IL2RG: variants seen among roughly 807,000 people sequenced by gnomAD.
The protein encoded by IL2RG is cytokine receptor common subunit gamma.
For missense variants in IL2RG, 205 were observed against 272.9 expected (o/e 0.75, Z 1.75); for synonymous variants, 111 against 108.5 (o/e 1.02, Z -0.15).
intron 3 of IL2RG, 60 bp downstream of exon 3, chrX:71,110,444 T>C (rs2092261001): frequency 2.5e-5 from 28 of 1,130,533 alleles, no homozygotes; most frequent in Non-Finnish European, 3.3e-5. Context: ...AGAACACTAC[T>C]CTGTAGACTC....
chrX:71,110,157 G>C lies in IL2RG; in HGVS notation c.593C>G (p.Thr198Ser), dbSNP rs1395196099. ...ACATTCACGTCCCTAGTCACTCACA[G>C]TCCAGCTGTGGTCCCAGTCAGTCCG... The part of the protein sequence containing the change: ...QYRTDWDHSW[T>S]EQSVDYRHKF... The change falls in exon 4 of 8, where the codon ACT becomes AGT. Residue 198 changes from threonine (T) to serine (S), a missense_variant and splice_region_variant. Coordinates refer to ENST00000374202, the MANE Select transcript of IL2RG (RefSeq NM_000206.3). 8.3e-7 allele frequency: 1 copy of C among 1,208,141 alleles called. No individual in the cohort carries two copies. Among genetic ancestry groups the C allele is most frequent in the Admixed American group, 2.2e-5 (1 of 45,573 alleles).
At chrX:71,110,031 G>A in intron 4 of IL2RG, 125 bp downstream of exon 4, 1 of 677,206 alleles carries the variant, frequency 1.5e-6, no homozygotes, top group Admixed American at 2.4e-5. Context: ...AGGGTAGGGG[G>A]TGAGCAGAGA....
chrX:71,107,466 T>G lies in IL2RG; in HGVS notation c.*270A>C. On this transcript the variant is annotated 3_prime_UTR_variant, in exon 8 of 8. Transcript: ENST00000374202. ...GGTTCAGGAACAATCGGAGGGTAGATGGAAAGAGGAAGGGAGGGAAAGAGG... is the reference window on the plus strand; with the variant it reads ...GGTTCAGGAACAATCGGAGGGTAGAGGGAAAGAGGAAGGGAGGGAAAGAGG... 2 of 272,513 alleles carry G rather than the reference T, an allele frequency of 7.3e-6. No individual in the cohort carries two copies. Among genetic ancestry groups the G allele is most frequent in the Non-Finnish European group, 1.3e-5 (2 of 154,075 alleles). The allele number at this position is 272,513 out of a possible 1,213,427, so 22.5% of individuals were successfully genotyped here. A position where few individuals can be genotyped will look rare whatever the true frequency, so the allele number is the denominator to read the frequency against.
intron 1 of IL2RG, 42 bp downstream of exon 1, chrX:71,111,383 G>A: frequency 8.3e-7 from 1 of 1,202,997 alleles, no homozygotes. Flanking sequence ...CCTTCCCACA[G>A]CCACCCTTCT....
At chrX:71,111,222 C>A (rs2092263140) in intron 1 of IL2RG, 172 bp from the exon 2 acceptor site, 1 of 689,154 alleles carries the variant, frequency 1.5e-6, no homozygotes, top group Non-Finnish European at 2.2e-6. Context: ...TGAGACCCTG[C>A]CTCAAAAGAA....
At chrX:71,109,481 G>A in intron 4 of IL2RG, 91 bp from the exon 5 acceptor site, 3 of 857,138 alleles carry the variant, frequency 3.5e-6, no homozygotes, top group Non-Finnish European at 5.0e-6. Flanking sequence ...TGTCATCTCT[G>A]CTACTGCCCA....
rs2147750887 is a variant in IL2RG, at chrX:71,110,917, G to A, written c.249C>T (p.Thr83=). 8.3e-7 allele frequency: 1 copy of A among 1,210,246 alleles called. No individual in the cohort carries two copies. Among genetic ancestry groups the A allele is most frequent in the African/African-American group, 1.7e-5 (1 of 57,557 alleles). ...CATACCAATAATGCAGAGTGAGGTT[G>A]GTAGGCTGGGGCTCAGAGCTGCTGT... The part of the protein sequence containing the change: ...TWNSSSEPQP[T]NLTLHYWYKN... Residue 83 remains threonine (T), a synonymous_variant, in exon 2 of 8, where the codon ACC becomes ACT. Coordinates refer to ENST00000374202, the MANE Select transcript of IL2RG (RefSeq NM_000206.3).
chrX:71,109,173 G>A, intron 5 of IL2RG, 55 bp downstream of exon 5: 1 of 1,138,208 alleles, frequency 8.8e-7, no homozygotes. Context: ...AGACAGTGGT[G>A]TTAGAAAGGC....
intron 7 of IL2RG, 122 bp from the exon 8 acceptor site, chrX:71,108,043 C>A: frequency 1.7e-6 from 1 of 601,221 alleles, no homozygotes. Flanking sequence ...AAGGGATACA[C>A]AGGCTCCTGG....
chrX:71,108,701 G>GA lies in IL2RG; in HGVS notation c.758-7dup, dbSNP rs1173247380. ...TGCAAACAGGAAAGGATTCTCTATA[G>GA]AAAAAAGAAAAGCAAAGTGGACCTT... is the stretch of plus-strand genomic sequence containing the variant. On this transcript the variant is annotated splice_region_variant and splice_polypyrimidine_tract_variant and intron_variant, in intron 5 of 7. Coordinates refer to ENST00000374202, the MANE Select transcript of IL2RG (RefSeq NM_000206.3). The GA allele has an allele frequency of 8.8e-7, 1 of 1,134,638 alleles. No individual in the cohort carries two copies. The highest frequency in any genetic ancestry group is 1.2e-6 in the Non-Finnish European group (1 of 835,117). The allele number at this position is 1,134,638 out of a possible 1,213,427, so 93.5% of individuals were successfully genotyped here.
chrX:71,109,786 T>A (rs1344525596), intron 4 of IL2RG, among the ~76,000 whole-genome samples: 4 of 108,932 alleles, frequency 3.7e-5, no homozygotes, highest in African/African-American at 6.7e-5. Flanking sequence ...AATACAAAAA[T>A]TAGCCAGGCA....
chrX:71,110,457 A>G lies in IL2RG; in HGVS notation c.454+47T>C, dbSNP rs773128720. ...AAAGAACACTACTCTGTAGACTCCA[A>G]TGTCCCACAGTATCCCTGGTCTCTT... On this transcript the variant is annotated intron_variant, in intron 3 of 7. Transcript: ENST00000374202. 5.2e-6 allele frequency: 6 copies of G among 1,157,131 alleles called. No individual in the cohort carries two copies. The African/African-American group carries it at 7.2e-5, about 14-fold the overall frequency.
At chrX:71,108,557 G>T in intron 6 of IL2RG, 42 bp downstream of exon 6, 1 of 981,116 alleles carries the variant, frequency 1.0e-6, no homozygotes, top group South Asian at 2.0e-5. Flanking sequence ...GCTATTGTCA[G>T]CTACCGTTCC....
In IL2RG at chrX:71,107,853, G is replaced by A. The variant is rs2147745985; in HGVS notation, c.993C>T (p.Leu331=). The A allele has an allele frequency of 4.1e-6, 5 of 1,207,536 alleles. No individual in the cohort carries two copies. The highest frequency in any genetic ancestry group is 1.7e-5 in the African/African-American group (1 of 57,769). Residue 331 remains leucine (L), a synonymous_variant, in exon 8 of 8, where the codon CTC becomes CTT. Transcript: ENST00000374202. ...LQPDYSERLC[L]VSEIPPKGGA... ...CTCCTTTTGGGGGAATCTCACTGAC[G>A]AGGCAGAGTCGTTCACTGTAGTCTG...
intron 2 of IL2RG, 42 bp from the exon 3 acceptor site, chrX:71,110,730 A>G (rs767813261): frequency 1.4e-5 from 16 of 1,126,294 alleles, no homozygotes; most frequent in Admixed American, 2.2e-5. Context: ...AGTGGGGCCA[A>G]TCTGGGTACT....
chrX:71,108,513 C>G, intron 6 of IL2RG, 86 bp downstream of exon 6: 1 of 756,307 alleles, frequency 1.3e-6, no homozygotes, highest in Middle Eastern at 3.1e-4. Context: ...CTGTCTCATC[C>G]TTTACTCCTA....
rs969596330 is a variant in IL2RG at position 71,107,441 on chromosome X, G to A, written c.*295C>T. 1 of 247,663 alleles carries A rather than the reference G, an allele frequency of 4.0e-6. No individual in the cohort carries two copies. 20.4% of individuals were successfully genotyped at this position (247,663 alleles called of 1,213,427 possible). On this transcript the variant is annotated 3_prime_UTR_variant, in exon 8 of 8. Transcript: ENST00000374202. Reference sequence around the variant, plus strand: ...ATCAACAGAAACTTTATTTCTCATCGGTTCAGGAACAATCGGAGGGTAGAT... The same window carrying A: ...ATCAACAGAAACTTTATTTCTCATCAGTTCAGGAACAATCGGAGGGTAGAT...
chrX:71,109,434 A>T, intron 4 of IL2RG, 44 bp from the exon 5 acceptor site: 1 of 1,135,709 alleles, frequency 8.8e-7, no homozygotes, highest in Non-Finnish European at 1.2e-6. Context: ...TCTATGAGAG[A>T]AGGGAGAATT....
intron 7 of IL2RG, 86 bp from the exon 8 acceptor site, chrX:71,108,007 T>C: frequency 1.3e-6 from 1 of 755,140 alleles, no homozygotes; most frequent in South Asian, 2.4e-5. Flanking sequence ...ACTCATGATG[T>C]CTGCAACCAC....
Sources: gnomAD v4.1 joint callset for allele counts (sites outside exome capture counted in the v4.1 genomes callset) on GRCh38, gnomAD v4.1.1 for gene constraint, MANE v1.5 for transcripts, NCBI Gene and HGNC (gene_info 2026-07-23, HGNC 2026-07-21) for gene names.